Variants in KCNQ1 observed in about 807,000 individuals in gnomAD.
KCNQ1 encodes the protein potassium voltage-gated channel subfamily KQT member 1.
A neutral mutation model predicts 72.4 loss-of-function variants in KCNQ1; 49 were observed. The ratio of observed to expected loss-of-function variants is 0.68; its 90% CI spans 0.54 to 0.86. The LOEUF (loss-of-function observed/expected upper bound fraction) is 0.86. KCNQ1 is among the 40% of genes least tolerant of loss of function. The pLI is 0.00. For missense variants in KCNQ1, 790 were observed against 945.1 expected, an observed-to-expected ratio of 0.84 and a Z score of 2.15; for synonymous variants, 450 against 412.6, an observed-to-expected ratio of 1.09 and a Z score of -1.10.
chr11:2,624,367 G>A lies in KCNQ1; in HGVS notation c.1393+35513G>A, dbSNP rs1849228037. 3 of 398,442 alleles carry A rather than the reference G, an allele frequency of 7.5e-6. No homozygotes were observed. The highest frequency in any genetic ancestry group is 1.3e-5 in the Non-Finnish European group (3 of 226,012). The allele number at this position is 398,442 out of a possible 1,614,324, so 24.7% of individuals were successfully genotyped here. On this transcript the variant is annotated intron_variant, in intron 10 of 15. Coordinates refer to ENST00000155840, the MANE Select transcript of KCNQ1 (RefSeq NM_000218.3). This position sits in a 1 kb window ranked among gnomAD's most constrained non-coding sequence, Gnocchi z 4.9. Reference sequence around the variant, plus strand: ...AAGTATTGTCTCCCTTCTGTGGCCTGTCCTTTCATCCTCTTGACAGTATGT... The same window carrying A: ...AAGTATTGTCTCCCTTCTGTGGCCTATCCTTTCATCCTCTTGACAGTATGT...
intron 2 of KCNQ1, among the ~76,000 whole-genome samples, chr11:2,532,374 G>A (rs1350118536): frequency 6.6e-6 from 1 of 152,218 alleles, no homozygotes; most frequent in East Asian, 1.9e-4. Context: ...GCCCCTGCGT[G>A]ATGGAGACAC....
rs750277630 is a variant in KCNQ1, at chr11:2,460,369, C to T, written c.386+14885C>T. 1.1e-4 allele frequency among the ~76,000 whole-genome samples: 17 copies of T among 152,304 alleles called. 1 individual carries two copies. Among genetic ancestry groups the T allele is most frequent in the Middle Eastern group, 6.8e-3 (2 of 294 alleles). ...CTGTGGCTGGTGGAGGGCAGCAATGCCCCAAGGGAGGAGCAGGTGCCCAAG... is the reference window on the plus strand; with the variant it reads ...CTGTGGCTGGTGGAGGGCAGCAATGTCCCAAGGGAGGAGCAGGTGCCCAAG... On this transcript the variant is annotated intron_variant, in intron 1 of 15. Transcript: ENST00000155840.
At chr11:2,740,860 C>T (rs1318747442) in intron 11 of KCNQ1, among the ~76,000 whole-genome samples, 5 of 152,234 alleles carry the variant, frequency 3.3e-5, no homozygotes, top group African/African-American at 7.2e-5. Flanking sequence ...GCCTCTTTCC[C>T]GTATCAGGAC....
rs1230624272 is a variant in KCNQ1 at position 2,599,420 on chromosome 11, CT to C, written c.1393+10569del. 2.0e-5 allele frequency among the ~76,000 whole-genome samples: 3 copies of C among 151,880 alleles called. No homozygotes were observed. Among genetic ancestry groups the C allele is most frequent in the Admixed American group, 6.6e-5 (1 of 15,252 alleles). ...AAATTTATAATCTCTGCTTAATTTC[CT>C]TTGGTGTACATACTCTGTGATGTTC... On this transcript the variant is annotated intron_variant, in intron 10 of 15. Transcript: ENST00000155840. The surrounding 1 kb of genome is among the most constrained non-coding windows in gnomAD (Gnocchi z 4.7).
At chr11:2,496,415 C>T (rs1846917232) in intron 1 of KCNQ1, among the ~76,000 whole-genome samples, 1 of 139,808 alleles carries the variant, frequency 7.2e-6, no homozygotes, top group Non-Finnish European at 1.5e-5. Context: ...CTGGCCTGGG[C>T]AAAAGAGTGA....
At chr11:2,558,727 C>T (rs1457620722) in intron 2 of KCNQ1, among the ~76,000 whole-genome samples, 1 of 152,146 alleles carries the variant, frequency 6.6e-6, no homozygotes, top group Non-Finnish European at 1.5e-5. Flanking sequence ...TAGTCGGCCC[C>T]CGTAAGGCAC....
rs1003723533 is a variant in KCNQ1 at position 2,588,031 on chromosome 11, T to A, written c.1251+339T>A. Among the ~76,000 whole-genome samples the A allele has an allele frequency of 7.0e-6, 1 of 142,690 alleles. No individual in the cohort carries two copies. The highest frequency in any genetic ancestry group is 2.6e-5 in the African/African-American group (1 of 37,768). The allele number at this position is 142,690 out of a possible 152,430, so 93.6% of individuals were successfully genotyped here. On this transcript the variant is annotated intron_variant, in intron 9 of 15. Coordinates refer to ENST00000155840, the MANE Select transcript of KCNQ1 (RefSeq NM_000218.3). The surrounding 1 kb of genome is among the most constrained non-coding windows in gnomAD (Gnocchi z 5.6). ...ACCGGGCGCAGTGGGTGGTGAGCAG[T>A]GGGCAGGGGGCCGCGCGCAGTGGGT...
At position 2,781,074 on chromosome 11, in the gene KCNQ1, C is replaced by G. The variant is rs1299684982; in HGVS notation, c.1794+3037C>G. ...CAGCGAGTCTACTTCCTGCGGGCCT[C>G]CCTCCCCTGTCAAATGAGAGGGTTT... is the stretch of plus-strand genomic sequence containing the variant. On this transcript the variant is annotated intron_variant, in intron 15 of 15. Coordinates refer to ENST00000155840, the MANE Select transcript of KCNQ1 (RefSeq NM_000218.3). This position sits in a 1 kb window ranked among gnomAD's most constrained non-coding sequence, Gnocchi z 6.6. Among the ~76,000 whole-genome samples, 1 of 152,138 alleles carries G rather than the reference C, an allele frequency of 6.6e-6. No homozygotes were observed. The highest frequency in any genetic ancestry group is 1.5e-5 in the Non-Finnish European group (1 of 68,028).
chr11:2,552,390 G>A (rs370719199), intron 2 of KCNQ1, among the ~76,000 whole-genome samples: 5 of 152,240 alleles, frequency 3.3e-5, no homozygotes, highest in East Asian at 1.9e-4. Context: ...TCAGTTGGCC[G>A]TGTGTGTGGG....
rs1589906638 is a variant in KCNQ1, at chr11:2,484,867, A to G, written c.386+39383A>G. On this transcript the variant is annotated intron_variant, in intron 1 of 15. Coordinates refer to ENST00000155840, the MANE Select transcript of KCNQ1 (RefSeq NM_000218.3). This position sits in a 1 kb window ranked among gnomAD's most constrained non-coding sequence, Gnocchi z 5.2. ...CTGTCTCCAACTCCAGTTCTGCCCC[A>G]GTGGGGCCAATTCTCTCTCTTTGTT... Among the ~76,000 whole-genome samples, 1 of 152,180 alleles carries G rather than the reference A, an allele frequency of 6.6e-6. No individual in the cohort carries two copies. Among genetic ancestry groups the G allele is most frequent in the African/African-American group, 2.4e-5 (1 of 41,442 alleles).
chr11:2,717,701 G>A lies in KCNQ1; in HGVS notation c.1515-51143G>A, dbSNP rs528471892. The stretch of plus-strand genomic sequence containing the variant: ...TTGTTTTAAACACAAGCTTTCAGAA[G>A]AGCAGAAACGGAAAGACAGATGGCA... On this transcript the variant is annotated intron_variant, in intron 11 of 15. Transcript: ENST00000155840. 2.4e-4 allele frequency among the ~76,000 whole-genome samples: 36 copies of A among 152,342 alleles called. No homozygotes were observed. The South Asian group carries it at 6.0e-3, about 25-fold the overall frequency.
At chr11:2,699,140 C>A (rs929099856) in intron 11 of KCNQ1, 1 of 398,686 alleles carries the variant, frequency 2.5e-6, no homozygotes, top group Non-Finnish European at 4.4e-6. Context: ...GACTCCAATC[C>A]CAATTCAGCC....
chr11:2,544,310 A>ATATACGTATATATG lies in KCNQ1; in HGVS notation c.477+16293_477+16294insATACGTATATATGT, dbSNP rs1564811985. Among the ~76,000 whole-genome samples, 72 of 100,268 alleles carry ATATACGTATATATG rather than the reference A, an allele frequency of 7.2e-4. No homozygotes were observed. Among genetic ancestry groups the ATATACGTATATATG allele is most frequent in the African/African-American group, 2.7e-3 (60 of 22,536 alleles). 65.8% of individuals were successfully genotyped at this position (100,268 alleles called of 152,430 possible). A position where few individuals can be genotyped will look rare whatever the true frequency, so the allele number is the denominator to read the frequency against. ...TATATATATGTATATATGTGTATAT[A>ATATACGTATATATG]TGTATATATCTATGTATATATATGT... is the stretch of plus-strand genomic sequence containing the variant. On this transcript the variant is annotated intron_variant, in intron 2 of 15. Coordinates refer to ENST00000155840, the MANE Select transcript of KCNQ1 (RefSeq NM_000218.3). The surrounding 1 kb of genome is among the most constrained non-coding windows in gnomAD (Gnocchi z 4.4).
chr11:2,721,899 C>T (rs930661691), intron 11 of KCNQ1, among the ~76,000 whole-genome samples: 3 of 152,236 alleles, frequency 2.0e-5, no homozygotes, highest in Non-Finnish European at 2.9e-5. Flanking sequence ...GAGACCCCAC[C>T]GTGGACTTCT....
Position 2,669,948 on chromosome 11 carries a change from G to A in KCNQ1, c.1514+7867G>A, listed in dbSNP as rs897141285. On this transcript the variant is annotated intron_variant, in intron 11 of 15. Transcript: ENST00000155840. The surrounding 1 kb of genome is among the most constrained non-coding windows in gnomAD (Gnocchi z 5.6). ...AGGACAGTCTGGAGTCAGGTGGAGGGAAGGGAAGTCTAGAGGTCCCCAAGT... is the reference window on the plus strand; with the variant it reads ...AGGACAGTCTGGAGTCAGGTGGAGGAAAGGGAAGTCTAGAGGTCCCCAAGT... 2 of 398,738 alleles carry A rather than the reference G, an allele frequency of 5.0e-6. No individual in the cohort carries two copies. Among genetic ancestry groups the A allele is most frequent in the Non-Finnish European group, 8.8e-6 (2 of 226,156 alleles). 24.7% of individuals were successfully genotyped at this position (398,738 alleles called of 1,614,324 possible). A position where few individuals can be genotyped will look rare whatever the true frequency, so the allele number is the denominator to read the frequency against.
At chr11:2,561,585 G>A (rs1278641351) in intron 2 of KCNQ1, among the ~76,000 whole-genome samples, 3 of 152,244 alleles carry the variant, frequency 2.0e-5, no homozygotes, top group Non-Finnish European at 4.4e-5. Flanking sequence ...AGCACAGAGA[G>A]GCTGAGCTGC....
In KCNQ1 at chr11:2,668,729, A is replaced by T. The variant is rs570597099; in HGVS notation, c.1514+6648A>T. 15 of 398,622 alleles carry T rather than the reference A, an allele frequency of 3.8e-5. No individual in the cohort carries two copies. In the South Asian group the frequency reaches 1.9e-3, roughly 51 times the overall value. 24.7% of individuals were successfully genotyped at this position (398,622 alleles called of 1,614,324 possible). ...TCTCACAGACACACACATTGCAAAT[A>T]TCGCCTCCCCCTCTGCAGGCTGCCT... is the stretch of plus-strand genomic sequence containing the variant. On this transcript the variant is annotated intron_variant, in intron 11 of 15. Transcript: ENST00000155840. The surrounding 1 kb of genome is among the most constrained non-coding windows in gnomAD (Gnocchi z 4.3).
rs1016398129 is a variant in KCNQ1 at position 2,494,640 on chromosome 11, G to A, written c.387-33288G>A. On this transcript the variant is annotated intron_variant, in intron 1 of 15. Coordinates refer to ENST00000155840, the MANE Select transcript of KCNQ1 (RefSeq NM_000218.3). This position sits in a 1 kb window ranked among gnomAD's most constrained non-coding sequence, Gnocchi z 4.6. The stretch of plus-strand genomic sequence containing the variant: ...TTGTCATTGGTTCTGTTTATGTGAT[G>A]TTTAGTGATTTACATATGTTGAATC... Among the ~76,000 whole-genome samples, 9 of 152,086 alleles carry A rather than the reference G, an allele frequency of 5.9e-5. No individual in the cohort carries two copies. Among genetic ancestry groups the A allele is most frequent in the East Asian group, 3.9e-4 (2 of 5,180 alleles).
chr11:2,699,881 G>A (rs1850763823), intron 11 of KCNQ1: 3 of 398,158 alleles, frequency 7.5e-6, no homozygotes, highest in Admixed American at 4.4e-5. Flanking sequence ...GAGGAGCCCC[G>A]GGGAGGACCA....
Sources: allele counts gnomAD v4.1 joint callset (sites outside exome capture counted in the v4.1 genomes callset), GRCh38; gene constraint gnomAD v4.1.1; non-coding constraint Gnocchi (gnomAD v3.1); transcripts MANE v1.5; gene names NCBI Gene and HGNC (gene_info 2026-07-23, HGNC 2026-07-21).